Variants in TDP2 observed in about 807,000 individuals in gnomAD.
TDP2 encodes tyrosyl-DNA phosphodiesterase 2.
TDP2 carries 38 observed loss-of-function variants against 42.8 expected under a neutral mutation model. The observed-to-expected ratio is 0.89, with a 90% CI of 0.68 to 1.16. The LOEUF is 1.16. Ranked by LOEUF, TDP2 falls within the 50% of genes most tolerant of loss-of-function variation. TDP2 has a pLI of 0.00. For synonymous variants in TDP2, 173 were observed against 150.6 expected, an observed-to-expected ratio of 1.15 and a Z score of -1.09; for missense variants, 439 against 439.3, an observed-to-expected ratio of 1.00 and a Z score of 0.01.
chr6:24,662,417 G>A (rs577363999), intron 2 of TDP2, among the ~76,000 whole-genome samples: 18 of 152,118 alleles, frequency 1.2e-4, no homozygotes, highest in Admixed American at 5.2e-4. Context: ...ACATGCTGGC[G>A]GCAATACTAC....
rs1369254542 is a variant in TDP2, at chr6:24,650,908, T to A, written c.969A>T (p.Ala323=). The change falls in exon 7 of 7, where the codon GCA becomes GCT. Residue 323 remains alanine, a synonymous_variant. Coordinates refer to ENST00000378198, the MANE Select transcript of TDP2 (RefSeq NM_016614.3). ...LRFDRIFFRA[A]AEEGHIIPRS... is the part of the protein sequence containing the mutation. ...GGGGAATAATGTGTCCCTCTTCTGCTGCTGCTCTGAAAAATATTCGATCAA... is the reference window on the plus strand; with the variant it reads ...GGGGAATAATGTGTCCCTCTTCTGCAGCTGCTCTGAAAAATATTCGATCAA... 1.2e-6 allele frequency: 2 copies of A among 1,614,072 alleles called. No homozygotes were observed. The highest frequency in any genetic ancestry group is 1.7e-6 in the Non-Finnish European group (2 of 1,180,036).
At chr6:24,653,299 C>G (rs1778003072) in intron 5 of TDP2, 146 bp from the exon 6 acceptor site, 2 of 859,936 alleles carry the variant, frequency 2.3e-6, no homozygotes, top group African/African-American at 3.4e-5. Flanking sequence ...CCCTCCGGAT[C>G]AAAAGAAGTA....
chr6:24,652,736 T>C (rs554738801), intron 6 of TDP2, among the ~76,000 whole-genome samples: 1 of 152,220 alleles, frequency 6.6e-6, no homozygotes, highest in South Asian at 2.1e-4. Context: ...TATATATATA[T>C]ATACACACAC....
At chr6:24,656,105 T>C (rs1215393723) in intron 4 of TDP2, among the ~76,000 whole-genome samples, 1 of 151,686 alleles carries the variant, frequency 6.6e-6, no homozygotes, top group East Asian at 1.9e-4. Flanking sequence ...ATAAAAACAA[T>C]GCAGGGAAAG....
intron 2 of TDP2, 24 bp downstream of exon 2, chr6:24,666,502 G>C (rs1157603270): frequency 8.1e-6 from 13 of 1,609,398 alleles, no homozygotes; most frequent in African/African-American, 1.3e-5. Flanking sequence ...GTGCGGACTG[G>C]CTCCCGCTCC....
In TDP2 at chr6:24,650,460, G is replaced by C. The variant is rs1206516551; in HGVS notation, c.*328C>G. On this transcript the variant is annotated 3_prime_UTR_variant, in exon 7 of 7. Transcript: ENST00000378198. The stretch of plus-strand genomic sequence containing the variant: ...ACTTATTTCAAATATTAACTATTTC[G>C]GTGCCTGAATGGAAAAATATAAACA... 4.5e-6 allele frequency: 1 copy of C among 222,486 alleles called. No homozygotes were observed. The allele number at this position is 222,486 out of a possible 1,614,324, so 13.8% of individuals were successfully genotyped here.
chr6:24,652,835 C>T, intron 6 of TDP2, 148 bp downstream of exon 6: 1 of 839,282 alleles, frequency 1.2e-6, no homozygotes, highest in Non-Finnish European at 1.9e-6. Flanking sequence ...ACAGCATAGG[C>T]TAAACAAATA....
intron 2 of TDP2, 75 bp downstream of exon 2, chr6:24,666,451 G>C (rs1258948406): frequency 4.6e-6 from 7 of 1,520,704 alleles, no homozygotes; most frequent in East Asian, 4.5e-5. Flanking sequence ...TCCACGGCAG[G>C]TCCCAGGACG....
chr6:24,665,573 A>T (rs1778216643), intron 2 of TDP2, among the ~76,000 whole-genome samples: 1 of 152,272 alleles, frequency 6.6e-6, no homozygotes, highest in African/African-American at 2.4e-5. Context: ...GGAGAATTTT[A>T]TACATTCAGT....
At chr6:24,659,508 T>C (rs1335062993) in intron 2 of TDP2, among the ~76,000 whole-genome samples, 1 of 152,234 alleles carries the variant, frequency 6.6e-6, no homozygotes, top group Non-Finnish European at 1.5e-5. Flanking sequence ...GATAGATTCT[T>C]ACTGTACTGT....
chr6:24,653,230 G>T lies in TDP2; in HGVS notation c.637-77C>A, dbSNP rs952336004. ...ACTTTAATAATAAAATCAGCAGATT[G>T]TTCTGTCAAATGGTATATATTTACT... On this transcript the variant is annotated intron_variant, in intron 5 of 6. Coordinates refer to ENST00000378198, the MANE Select transcript of TDP2 (RefSeq NM_016614.3). 67 of 1,430,880 alleles carry T rather than the reference G, an allele frequency of 4.7e-5. No individual in the cohort carries two copies. In the African/African-American group the frequency reaches 9.1e-4, roughly 19 times the overall value. 88.6% of individuals were successfully genotyped at this position (1,430,880 alleles called of 1,614,324 possible).
At position 24,666,820 on chromosome 6, in the gene TDP2, C is replaced by T. The variant is rs1291385423; in HGVS notation, c.43G>A (p.Glu15Lys). 2 of 1,614,210 alleles carry T rather than the reference C, an allele frequency of 1.2e-6. No individual in the cohort carries two copies. The highest frequency in any genetic ancestry group is 1.7e-6 in the Non-Finnish European group (2 of 1,180,042). The change falls in exon 1 of 7, where the codon GAG (glutamate) becomes AAG (lysine). Residue 15 changes from glutamate (E) to lysine (K), a missense_variant. Transcript: ENST00000378198. ...TTCACCTCAGGCTCGCCCTCTTCCT[C>T]CGCCGCCTCCCTCCCGCCCTCCAGG... ...SCLEGGREAA[E>K]EEGEPEVKKR...
At chr6:24,656,285 T>G (rs752510475) in intron 4 of TDP2, among the ~76,000 whole-genome samples, 8 of 151,412 alleles carry the variant, frequency 5.3e-5, no homozygotes, top group Non-Finnish European at 1.0e-4. Flanking sequence ...TCAATAGAGA[T>G]AGGAGAATAA....
At chr6:24,666,261 T>C (rs1778233152) in intron 2 of TDP2, 2 of 1,544,938 alleles carry the variant, frequency 1.3e-6, no homozygotes, top group African/African-American at 2.8e-5. Flanking sequence ...TTTCCTTTCA[T>C]TTGAGTTAAA....
intron 4 of TDP2, 54 bp from the exon 5 acceptor site, chr6:24,654,584 G>T: frequency 1.0e-6 from 1 of 971,732 alleles, no homozygotes; most frequent in Non-Finnish European, 1.6e-6. Context: ...GTTATTTTCA[G>T]TTTACCACAA....
chr6:24,650,626 T>C lies in TDP2; in HGVS notation c.*162A>G, dbSNP rs2127616440. 1.4e-6 allele frequency: 1 copy of C among 701,800 alleles called. No individual in the cohort carries two copies. Among genetic ancestry groups the C allele is most frequent in the Non-Finnish European group, 2.3e-6 (1 of 431,522 alleles). The allele number at this position is 701,800 out of a possible 1,614,324, so 43.5% of individuals were successfully genotyped here. A position where few individuals can be genotyped will look rare whatever the true frequency, so the allele number is the denominator to read the frequency against. On this transcript the variant is annotated 3_prime_UTR_variant, in exon 7 of 7. Coordinates refer to ENST00000378198, the MANE Select transcript of TDP2 (RefSeq NM_016614.3). ...AGGAATGTGTTCGTTTAAATAAACA[T>C]TAATCTTTAATGTTGAATTCTGAAA...
chr6:24,650,913 C>T lies in TDP2; in HGVS notation c.964G>A (p.Ala322Thr), dbSNP rs752649752. 6.2e-6 allele frequency: 10 copies of T among 1,613,978 alleles called. No homozygotes were observed. The highest frequency in any genetic ancestry group is 8.5e-6 in the Non-Finnish European group (10 of 1,180,036). ...ATAATGTGTCCCTCTTCTGCTGCTG[C>T]TCTGAAAAATATTCGATCAAAACGA... Reference protein sequence around the residue: ...KLRFDRIFFRAAAEEGHIIPR... With the variant: ...KLRFDRIFFRTAAEEGHIIPR... Residue 322 changes from alanine to threonine, a missense_variant, in exon 7 of 7, where the codon GCA becomes ACA. Coordinates refer to ENST00000378198, the MANE Select transcript of TDP2 (RefSeq NM_016614.3).
At chr6:24,658,013 A>C in intron 3 of TDP2, 110 bp from the exon 4 acceptor site, 1 of 650,078 alleles carries the variant, frequency 1.5e-6, no homozygotes, top group Non-Finnish European at 2.7e-6. Flanking sequence ...CCTCTAGGGC[A>C]CCTAATATTG....
At chr6:24,652,263 C>T (rs993219707) in intron 6 of TDP2, among the ~76,000 whole-genome samples, 1 of 152,176 alleles carries the variant, frequency 6.6e-6, no homozygotes, top group South Asian at 2.1e-4. Flanking sequence ...GTTTATTCAT[C>T]TGTCAGTGAT....
Sources: allele counts gnomAD v4.1 joint callset (sites outside exome capture counted in the v4.1 genomes callset), GRCh38; gene constraint gnomAD v4.1.1; transcripts MANE v1.5; gene names NCBI Gene and HGNC (gene_info 2026-07-23, HGNC 2026-07-21).